The following VPS35L variants were observed in gnomAD, a reference collection of about 807,000 sequenced individuals.
The protein encoded by VPS35L is VPS35 endosomal protein-sorting factor-like.
VPS35L carries 83 observed loss-of-function variants against 133.0 expected under a neutral mutation model. The observed-to-expected ratio is 0.62, with a 90% confidence interval of 0.52 to 0.75. VPS35L has a LOEUF of 0.75. Ranked by LOEUF, VPS35L falls within the 30% of genes least tolerant of loss-of-function variation. VPS35L has a pLI of 0.00. For missense variants in VPS35L, 1,083 were observed against 1,206.8 expected (o/e 0.90, Z 1.52); for synonymous variants, 423 against 449.9 (o/e 0.94, Z 0.76).
At chr16:19,671,294 C>T (rs1190840819) in intron 27 of VPS35L, among the ~76,000 whole-genome samples, 1 of 151,830 alleles carries the variant, frequency 6.6e-6, no homozygotes, top group African/African-American at 2.4e-5. Flanking sequence ...CATGGCACAA[C>T]CCCGTATCTA....
intron 18 of VPS35L, among the ~76,000 whole-genome samples, chr16:19,631,972 CT>C (rs1973470318): frequency 6.6e-6 from 1 of 151,128 alleles, no homozygotes; most frequent in Non-Finnish European, 1.5e-5. Context: ...TTTTTTTCTT[CT>C]GTTTTTGAGA....
chr16:19,581,902 A>G (rs967660464), intron 7 of VPS35L: 1 of 521,404 alleles, frequency 1.9e-6, no homozygotes, highest in East Asian at 3.3e-5. Context: ...TCTTCACCCT[A>G]GGTTACAGAA....
At chr16:19,610,212 T>C in intron 11 of VPS35L, 110 bp from the exon 12 acceptor site, 1 of 916,448 alleles carries the variant, frequency 1.1e-6, no homozygotes, top group South Asian at 1.7e-5. Context: ...TGAAACTTGA[T>C]TTTTCCCCCC....
chr16:19,654,503 G>A (rs1292455577), intron 26 of VPS35L, among the ~76,000 whole-genome samples: 1 of 150,186 alleles, frequency 6.7e-6, no homozygotes, highest in East Asian at 2.0e-4. Flanking sequence ...AGGTTGCAGT[G>A]AGCCGAGATC....
At chr16:19,659,581 C>T (rs1597403727) in intron 26 of VPS35L, among the ~76,000 whole-genome samples, 2 of 152,192 alleles carry the variant, frequency 1.3e-5, no homozygotes, top group African/African-American at 4.8e-5. Context: ...TTACATCTTG[C>T]TTTATGTACA....
rs955660825 is a variant in VPS35L, at chr16:19,691,433, C to G, written c.2608C>G (p.Gln870Glu). ...NNKLCETVMA[Q>E]ILEHLKTLAK... ...CAAGCTGTGTGAGACGGTGATGGCT[C>G]AGATCCTAGAGCATCTGAAAACCCT... Residue 870 changes from glutamine to glutamate, a missense_variant, in exon 29 of 31, where the codon CAG becomes GAG. Transcript: ENST00000417362. 1.2e-6 allele frequency: 2 copies of G among 1,614,040 alleles called. No homozygotes were observed. The highest frequency in any genetic ancestry group is 2.2e-5 in the East Asian group (1 of 44,876).
Position 19,633,481 on chromosome 16 carries a change from A to G in VPS35L, c.1635+309A>G, listed in dbSNP as rs1334147075. On this transcript the variant is annotated intron_variant, in intron 19 of 30. Coordinates refer to ENST00000417362, the MANE Select transcript of VPS35L (RefSeq NM_020314.7). The surrounding 1 kb of genome is among the most constrained non-coding windows in gnomAD (Gnocchi z 4.1). ...CGTTGTCTTCATTGTTGTCACCAGT[A>G]AGTAAACTGCGAGTATTTTTAGTTA... Among the ~76,000 whole-genome samples, 4 of 152,214 alleles carry G rather than the reference A, an allele frequency of 2.6e-5. No individual in the cohort carries two copies. The highest frequency in any genetic ancestry group is 4.4e-5 in the Non-Finnish European group (3 of 68,038).
At chr16:19,586,512 G>T (rs1052091559) in intron 7 of VPS35L, among the ~76,000 whole-genome samples, 1 of 151,910 alleles carries the variant, frequency 6.6e-6, no homozygotes, top group African/African-American at 2.4e-5. Flanking sequence ...GCTAATTTTT[G>T]TATTTTTAGT....
At chr16:19,668,932 T>C (rs1377248990) in intron 26 of VPS35L, among the ~76,000 whole-genome samples, 3 of 152,218 alleles carry the variant, frequency 2.0e-5, no homozygotes, top group African/African-American at 7.2e-5. Flanking sequence ...TTTCACTTAA[T>C]AATCTAAAGA....
In VPS35L at chr16:19,691,281, C is replaced by T. The variant is rs369704654; in HGVS notation, c.2528-72C>T. Reference sequence around the variant, plus strand: ...TCTGCTGACTCGGTGTGACATGACACACGGCTGCCTCTCCCTGGCCAGCAT... The same window carrying T: ...TCTGCTGACTCGGTGTGACATGACATACGGCTGCCTCTCCCTGGCCAGCAT... On this transcript the variant is annotated intron_variant, in intron 28 of 30. Coordinates refer to ENST00000417362, the MANE Select transcript of VPS35L (RefSeq NM_020314.7). 8.1e-6 allele frequency: 10 copies of T among 1,235,844 alleles called. No homozygotes were observed. The African/African-American group carries it at 1.5e-4, about 18-fold the overall frequency. The allele number at this position is 1,235,844 out of a possible 1,614,324, so 76.6% of individuals were successfully genotyped here.
intron 22 of VPS35L, among the ~76,000 whole-genome samples, chr16:19,643,489 G>C (rs925592920): frequency 2.0e-5 from 3 of 152,148 alleles, no homozygotes; most frequent in South Asian, 2.1e-4. Flanking sequence ...CTTCCTGGAA[G>C]CTGATGTACC....
At position 19,633,044 on chromosome 16, in the gene VPS35L, G is replaced by A. The variant is rs1567441185; in HGVS notation, c.1555-48G>A. On this transcript the variant is annotated intron_variant, in intron 18 of 30. Coordinates refer to ENST00000417362, the MANE Select transcript of VPS35L (RefSeq NM_020314.7). The surrounding 1 kb of genome is among the most constrained non-coding windows in gnomAD (Gnocchi z 4.1). Reference sequence around the variant, plus strand: ...CTTTCCCCCAGGAACATGGTCAGCAGTTGCCATACAGTGTCTAATTCAGGT... The same window carrying A: ...CTTTCCCCCAGGAACATGGTCAGCAATTGCCATACAGTGTCTAATTCAGGT... The A allele has an allele frequency of 1.4e-6, 2 of 1,459,002 alleles. No homozygotes were observed. Among genetic ancestry groups the A allele is most frequent in the East Asian group, 2.3e-5 (1 of 44,138 alleles). 90.4% of individuals were successfully genotyped at this position (1,459,002 alleles called of 1,614,324 possible).
In VPS35L at chr16:19,628,777, TTTTATTTA is replaced by T. The variant is rs71375656; in HGVS notation, c.1500+48_1500+55del. 3.7e-4 allele frequency: 293 copies of T among 785,128 alleles called. 2 individuals are homozygous for T. Among genetic ancestry groups the T allele is most frequent in the South Asian group, 1.4e-3 (39 of 27,186 alleles). The allele number at this position is 785,128 out of a possible 1,614,324, so 48.6% of individuals were successfully genotyped here. ...AGGTGAGTGGCCATTTTATTTTTAT[TTTTATTTA>T]TTTATTTATTTATTTATTTATTTTG... On this transcript the variant is annotated intron_variant, in intron 17 of 30. Coordinates refer to ENST00000417362, the MANE Select transcript of VPS35L (RefSeq NM_020314.7).
At position 19,558,311 on chromosome 16, in the gene VPS35L, G is replaced by A. The variant is rs1202332911; in HGVS notation, c.17+2565G>A. ...CTTATAACAACCCCATGTTGCGGAG[G>A]AAGAAATAGAGGCAGAGAGATGAAG... On this transcript the variant is annotated intron_variant, in intron 1 of 30. Transcript: ENST00000417362. Among the ~76,000 whole-genome samples, 72 of 152,232 alleles carry A rather than the reference G, an allele frequency of 4.7e-4. 1 individual carries two copies. Among genetic ancestry groups the A allele is most frequent in the Non-Finnish European group, 4.4e-5 (3 of 68,040 alleles).
At chr16:19,578,923 TA>T (rs1475002766) in intron 5 of VPS35L, 128 bp from the exon 6 acceptor site, 5 of 786,106 alleles carry the variant, frequency 6.4e-6, no homozygotes, top group Non-Finnish European at 1.1e-5. Flanking sequence ...AAATCTGGGA[TA>T]GTTTTCTATA....
At chr16:19,562,547 G>A (rs570951487) in intron 1 of VPS35L, among the ~76,000 whole-genome samples, 12 of 152,208 alleles carry the variant, frequency 7.9e-5, no homozygotes, top group South Asian at 2.1e-4. Flanking sequence ...TGGCCCTGAC[G>A]TTCTGTGACT....
chr16:19,626,810 T>TGTGGTAG (rs753867932), intron 15 of VPS35L, among the ~76,000 whole-genome samples: 111 of 152,108 alleles, frequency 7.3e-4, no homozygotes, highest in South Asian at 2.9e-3. Context: ...CCCATGGGGC[T>TGTGGTAG]GTGGTAGGTG....
Position 19,573,132 on chromosome 16 carries a change from G to A in VPS35L, c.299G>A (p.Arg100Lys), listed in dbSNP as rs1971433540. 1 of 1,613,558 alleles carries A rather than the reference G, an allele frequency of 6.2e-7. No individual in the cohort carries two copies. Among genetic ancestry groups the A allele is most frequent in the African/African-American group, 1.3e-5 (1 of 74,896 alleles). ...GCCTTTCTTTAGGACAGCTCCAGAAGGAAACGTGATAGAGATGATAACTCC... is the reference window on the plus strand; with the variant it reads ...GCCTTTCTTTAGGACAGCTCCAGAAAGAAACGTGATAGAGATGATAACTCC... ...ALAAAMDSSR[R>K]KRDRDDNSVV... The change falls in exon 4 of 31, where the codon AGG (arginine) becomes AAG (lysine). Residue 100 changes from arginine to lysine, a missense_variant. Coordinates refer to ENST00000417362, the MANE Select transcript of VPS35L (RefSeq NM_020314.7).
chr16:19,604,037 C>A (rs1972468614), intron 9 of VPS35L, among the ~76,000 whole-genome samples: 1 of 152,010 alleles, frequency 6.6e-6, no homozygotes, highest in African/African-American at 2.4e-5. Flanking sequence ...CGGCCGAATC[C>A]ATTTATTTAA....
Sources: allele counts gnomAD v4.1 joint callset (sites outside exome capture counted in the v4.1 genomes callset), GRCh38; gene constraint gnomAD v4.1.1; non-coding constraint Gnocchi (gnomAD v3.1); transcripts MANE v1.5; gene names NCBI Gene and HGNC (gene_info 2026-07-23, HGNC 2026-07-21).